RBM38: variants seen among roughly 807,000 people sequenced by gnomAD.
RBM38 encodes the protein RNA binding motif protein 38.
RBM38 carries 11 observed loss-of-function variants against 23.5 expected under a neutral mutation model. The ratio of observed to expected loss-of-function variants is 0.47; its 90% CI spans 0.29 to 0.77. The LOEUF (loss-of-function observed/expected upper bound fraction) is 0.77, where lower values mean the gene tolerates loss of function less well. Among genes scored for constraint, RBM38 ranks in the 30% least tolerant of loss-of-function variants. The probability of loss-of-function intolerance (pLI) is 0.08; values close to 1 mark genes in which losing one functional copy is unlikely to be tolerated. For missense variants in RBM38, 330 were observed against 351.9 expected (o/e 0.94, Z 0.50); for synonymous variants, 165 against 166.1 (o/e 0.99, Z 0.05).
intron 3 of RBM38, among the ~76,000 whole-genome samples, chr20:57,399,127 G>A (rs1044106268): frequency 6.6e-6 from 1 of 152,316 alleles, no homozygotes; most frequent in Middle Eastern, 3.4e-3. Context: ...AAGGCGACAG[G>A]AGCTGGGGAG....
At chr20:57,398,000 T>C (rs2067291853) in intron 3 of RBM38, among the ~76,000 whole-genome samples, 1 of 152,100 alleles carries the variant, frequency 6.6e-6, no homozygotes, top group African/African-American at 2.4e-5. Flanking sequence ...ACACATGACA[T>C]GTAAGAATGT....
At chr20:57,392,563 G>T in intron 1 of RBM38, 91 bp from the exon 2 acceptor site, 2 of 1,517,888 alleles carry the variant, frequency 1.3e-6, no homozygotes, top group Non-Finnish European at 1.8e-6. Flanking sequence ...GAAGAGAGGG[G>T]TGGCAGCATC....
chr20:57,402,800 G>A (rs777594016), intron 3 of RBM38, among the ~76,000 whole-genome samples: 42 of 152,240 alleles, frequency 2.8e-4, no homozygotes, highest in Non-Finnish European at 5.3e-4. Context: ...CAGTGGGTTC[G>A]CCCATGCGTG....
chr20:57,404,980 G>T (rs138993001), intron 3 of RBM38, among the ~76,000 whole-genome samples: 2 of 152,200 alleles, frequency 1.3e-5, no homozygotes, highest in African/African-American at 4.8e-5. Flanking sequence ...GCCACGAGAG[G>T]GTTGTGCACA....
chr20:57,395,775 C>CGGAGCTGGAGA (rs2067268660), intron 3 of RBM38, among the ~76,000 whole-genome samples: 1 of 141,488 alleles, frequency 7.1e-6, no homozygotes. Context: ...AGAGCTGGGC[C>CGGAGCTGGAGA]GGAGCTGGAG....
At chr20:57,405,623 G>A (rs960407376) in intron 3 of RBM38, among the ~76,000 whole-genome samples, 3 of 152,236 alleles carry the variant, frequency 2.0e-5, no homozygotes, top group African/African-American at 7.2e-5. Flanking sequence ...TGGGGTGGGG[G>A]GAGCAAGAGG....
In RBM38 at chr20:57,407,784, C is replaced by T. The variant is rs1336122081; in HGVS notation, c.658C>T (p.Pro220Ser). 6.2e-7 allele frequency: 1 copy of T among 1,604,108 alleles called. No individual in the cohort carries two copies. ...GCCCCAGGCCCTCTCAGCCGCAGCA[C>T]CCGCGGGCACCACTTTCGTGCAGTA... Reference protein sequence around the residue: ...AVPQALSAAAPAGTTFVQYQA... With the variant: ...AVPQALSAAASAGTTFVQYQA... The change falls in exon 4 of 4, where the codon CCC becomes TCC. Residue 220 changes from proline to serine, a missense_variant. This residue lies in a region of RBM38 where 227 missense variants were observed against 216.4 expected (regional missense o/e 1.05). Transcript: ENST00000356208. The surrounding 1 kb of genome is among the most constrained non-coding windows in gnomAD (Gnocchi z 4.0).
At chr20:57,392,874 A>G in intron 2 of RBM38, 97 bp downstream of exon 2, 3 of 1,502,120 alleles carry the variant, frequency 2.0e-6, no homozygotes, top group Non-Finnish European at 2.7e-6. Flanking sequence ...TCGCCCCAGC[A>G]GTGGCAGTCG....
intron 3 of RBM38, 67 bp downstream of exon 3, chr20:57,393,400 C>A: frequency 6.6e-7 from 1 of 1,505,906 alleles, no homozygotes; most frequent in Non-Finnish European, 9.2e-7. Context: ...CCTTGGGCTT[C>A]CTGGGTCTGG....
chr20:57,399,155 G>A (rs2067303342), intron 3 of RBM38, among the ~76,000 whole-genome samples: 1 of 152,196 alleles, frequency 6.6e-6, no homozygotes, highest in South Asian at 2.1e-4. Context: ...GAGCAGCCGG[G>A]GAGGCTCAGG....
intron 3 of RBM38, among the ~76,000 whole-genome samples, chr20:57,395,875 C>G (rs1432029772): frequency 6.6e-6 from 1 of 152,226 alleles, no homozygotes; most frequent in Non-Finnish European, 1.5e-5. Flanking sequence ...TTTTGTCGGC[C>G]TTGGGCTGGC....
chr20:57,402,770 T>C (rs2067342025), intron 3 of RBM38, among the ~76,000 whole-genome samples: 1 of 152,258 alleles, frequency 6.6e-6, no homozygotes, highest in Non-Finnish European at 1.5e-5. Flanking sequence ...GGCTGCATTT[T>C]TCTTTCTCAC....
In RBM38 at chr20:57,391,605, C is replaced by G. The variant is rs2067215138; in HGVS notation, c.24C>G (p.Cys8Trp). 7.2e-7 allele frequency: 1 copy of G among 1,392,080 alleles called. No homozygotes were observed. The highest frequency in any genetic ancestry group is 3.0e-5 in the Admixed American group (1 of 33,354). 86.2% of individuals were successfully genotyped at this position (1,392,080 alleles called of 1,614,324 possible). A position where few individuals can be genotyped will look rare whatever the true frequency, so the allele number is the denominator to read the frequency against. The change falls in exon 1 of 4, where the codon TGC becomes TGG. Residue 8 changes from cysteine (C) to tryptophan (W), a missense_variant. Cys to Trp is a radical substitution (Grantham distance 215). Transcript: ENST00000356208. MLLQPAP[C>W]APSAGFPRPL... The stretch of plus-strand genomic sequence containing the variant: ...CCATGCTGCTGCAGCCCGCGCCGTG[C>G]GCCCCGAGCGCGGGCTTCCCGCGGC...
chr20:57,406,599 G>T (rs2067386310), intron 3 of RBM38, among the ~76,000 whole-genome samples: 1 of 152,184 alleles, frequency 6.6e-6, no homozygotes, highest in Admixed American at 6.5e-5. Context: ...CATCTCTGTG[G>T]TCACCGCCAT....
At chr20:57,395,273 G>A (rs1485440205) in intron 3 of RBM38, among the ~76,000 whole-genome samples, 1 of 152,020 alleles carries the variant, frequency 6.6e-6, no homozygotes, top group East Asian at 1.9e-4. Flanking sequence ...GGTAATAGAC[G>A]TCCGGGAGGA....
Position 57,407,423 on chromosome 20 carries a change from G to A in RBM38, c.417-120G>A. On this transcript the variant is annotated intron_variant, in intron 3 of 3. Transcript: ENST00000356208. The surrounding 1 kb of genome is among the most constrained non-coding windows in gnomAD (Gnocchi z 4.0). ...CCAGGTGCTGTTTCTGTGCCCATCT[G>A]ACCGATGAGGAAAGTCGGGGCTCGG... The A allele has an allele frequency of 8.5e-7, 1 of 1,173,602 alleles. No individual in the cohort carries two copies. Among genetic ancestry groups the A allele is most frequent in the East Asian group, 2.6e-5 (1 of 38,932 alleles). 72.7% of individuals were successfully genotyped at this position (1,173,602 alleles called of 1,614,324 possible).
At chr20:57,393,194 T>C in intron 2 of RBM38, 85 bp from the exon 3 acceptor site, 1 of 1,312,696 alleles carries the variant, frequency 7.6e-7, no homozygotes, top group Non-Finnish European at 1.1e-6. Flanking sequence ...GGTGTGTGGC[T>C]TGTGGGATTC....
intron 3 of RBM38, among the ~76,000 whole-genome samples, chr20:57,399,658 C>T (rs1201186249): frequency 6.6e-6 from 1 of 152,192 alleles, no homozygotes; most frequent in Non-Finnish European, 1.5e-5. Flanking sequence ...AGAGGGCGTT[C>T]GACCTGTGTC....
At chr20:57,399,760 A>G (rs1203627188) in intron 3 of RBM38, among the ~76,000 whole-genome samples, 1 of 152,154 alleles carries the variant, frequency 6.6e-6, no homozygotes, top group African/African-American at 2.4e-5. Context: ...AGGCAGGGCC[A>G]TGGCCTGGCT....
Sources: gnomAD v4.1 joint callset for allele counts (sites outside exome capture counted in the v4.1 genomes callset) on GRCh38, gnomAD v4.1.1 for gene constraint, gnomAD v4.1.1 regional missense constraint, Gnocchi (gnomAD v3.1) non-coding constraint, MANE v1.5 for transcripts, NCBI Gene and HGNC (gene_info 2026-07-23, HGNC 2026-07-21) for gene names.